BTN3A2: variants seen among roughly 807,000 people sequenced by gnomAD.
BTN3A2 encodes butyrophilin protein.
A neutral mutation model predicts 37.6 loss-of-function variants in BTN3A2; 25 were observed. The ratio of observed to expected loss-of-function variants is 0.66; its 90% CI spans 0.48 to 0.93. The LOEUF (loss-of-function observed/expected upper bound fraction) is 0.93. Among genes scored for constraint, BTN3A2 ranks in the 40% least tolerant of loss-of-function variants. The pLI, the probability that BTN3A2 is intolerant of heterozygous loss-of-function variation, is 0.00. For missense variants in BTN3A2, 266 were observed against 410.9 expected, an observed-to-expected ratio of 0.65 and a Z score of 3.05; for synonymous variants, 122 against 159.4, an observed-to-expected ratio of 0.77 and a Z score of 1.77.
intron 1 of BTN3A2, among the ~76,000 whole-genome samples, chr6:26,365,872 A>G (rs767738011): frequency 2.6e-5 from 4 of 152,220 alleles, no homozygotes; most frequent in Non-Finnish European, 5.9e-5. Flanking sequence ...TACATATTCA[A>G]CAGGTGGGGA....
chr6:26,376,543 C>A lies in BTN3A2; in HGVS notation c.*781C>A. ...CTTAAATCCAGGAAAAATGGCTGAC[C>A]CCATGGACACCTCCTCAAACTCTCT... On this transcript the variant is annotated 3_prime_UTR_variant, in exon 11 of 11. Coordinates refer to ENST00000377708, the MANE Select transcript of BTN3A2 (RefSeq NM_007047.5). 7.4e-7 allele frequency: 1 copy of A among 1,358,682 alleles called. No individual in the cohort carries two copies. Among genetic ancestry groups the A allele is most frequent in the Non-Finnish European group, 1.0e-6 (1 of 999,348 alleles). 84.2% of individuals were successfully genotyped at this position (1,358,682 alleles called of 1,614,324 possible). A position where few individuals can be genotyped will look rare whatever the true frequency, so the allele number is the denominator to read the frequency against.
At chr6:26,372,010 T>C (rs562619272) in intron 5 of BTN3A2, among the ~76,000 whole-genome samples, 2 of 152,278 alleles carry the variant, frequency 1.3e-5, no homozygotes, top group African/African-American at 4.8e-5. Context: ...CTGATTACTA[T>C]TGCACAAGGT....
In BTN3A2 at chr6:26,376,398, A is replaced by G; in HGVS notation, c.*636A>G. ...CCTTACTTTCATTTCCCCTCTGGTC[A>G]CTAGACCCCTGGGGCTTTCACCAAT... On this transcript the variant is annotated 3_prime_UTR_variant, in exon 11 of 11. Transcript: ENST00000377708. 4.5e-6 allele frequency: 2 copies of G among 447,190 alleles called. No individual in the cohort carries two copies. The highest frequency in any genetic ancestry group is 7.3e-6 in the Non-Finnish European group (2 of 273,062). 27.7% of individuals were successfully genotyped at this position (447,190 alleles called of 1,614,324 possible). A position where few individuals can be genotyped will look rare whatever the true frequency, so the allele number is the denominator to read the frequency against.
In BTN3A2 at chr6:26,373,083, A is replaced by G. The variant is rs947204049; in HGVS notation, c.902A>G (p.Glu301Gly). 8 of 1,614,026 alleles carry G rather than the reference A, an allele frequency of 5.0e-6. No individual in the cohort carries two copies. The highest frequency in any genetic ancestry group is 6.8e-6 in the Non-Finnish European group (8 of 1,180,036). The change falls in exon 6 of 11, where the codon GAA (glutamate) becomes GGA (glycine). Residue 301 changes from glutamate (E) to glycine (G), a missense_variant. Coordinates refer to ENST00000377708, the MANE Select transcript of BTN3A2 (RefSeq NM_007047.5). ...ATGGGATATGCTGCAACAGAGCGGG[A>G]AATAAGCCTAAGAGGTATCCAACGC... ...KEMGYAATER[E>G]ISLRESLQEE...
In BTN3A2 at chr6:26,370,406, C is replaced by T. The variant is rs747495149; in HGVS notation, c.518C>T (p.Pro173Leu). 6 of 1,614,164 alleles carry T rather than the reference C, an allele frequency of 3.7e-6. No homozygotes were observed. The highest frequency in any genetic ancestry group is 5.1e-6 in the Non-Finnish European group (6 of 1,180,024). ...HLECRSTGWY[P>L]QPQIQWSNAK... ...GAGTGCAGGTCCACCGGCTGGTACC[C>T]CCAACCCCAAATACAGTGGAGCAAC... The change falls in exon 5 of 11, where the codon CCC becomes CTC. Residue 173 changes from proline to leucine, a missense_variant. Coordinates refer to ENST00000377708, the MANE Select transcript of BTN3A2 (RefSeq NM_007047.5).
chr6:26,375,417 G>A (rs9393715), intron 10 of BTN3A2: 38,862 of 456,322 alleles, frequency 0.085, 1,985 homozygotes, highest in Non-Finnish European at 0.11. Flanking sequence ...AAGAGTCCTC[G>A]GGCCTTGTTA....
Position 26,377,427 on chromosome 6 carries a change from G to T in BTN3A2, c.*1665G>T. On this transcript the variant is annotated 3_prime_UTR_variant, in exon 11 of 11. Transcript: ENST00000377708. The stretch of plus-strand genomic sequence containing the variant: ...TGTATTGACTTTACAAAGCAGACAG[G>T]AATAGTGAACAACAGAGCTGGGATC... 1 of 465,946 alleles carries T rather than the reference G, an allele frequency of 2.1e-6. No homozygotes were observed. The highest frequency in any genetic ancestry group is 3.9e-6 in the Non-Finnish European group (1 of 253,380). 28.9% of individuals were successfully genotyped at this position (465,946 alleles called of 1,614,324 possible).
Position 26,376,520 on chromosome 6 carries a change from T to C in BTN3A2, c.*758T>C. 7.6e-7 allele frequency: 1 copy of C among 1,315,472 alleles called. No individual in the cohort carries two copies. The highest frequency in any genetic ancestry group is 1.5e-5 in the African/African-American group (1 of 67,446). The allele number at this position is 1,315,472 out of a possible 1,614,324, so 81.5% of individuals were successfully genotyped here. ...CCCAAGCCTTGCATGCTGTGGCTCT[T>C]AAATCCAGGAAAAATGGCTGACCCC... On this transcript the variant is annotated 3_prime_UTR_variant, in exon 11 of 11. Coordinates refer to ENST00000377708, the MANE Select transcript of BTN3A2 (RefSeq NM_007047.5).
At position 26,376,695 on chromosome 6, in the gene BTN3A2, C is replaced by T. The variant is rs538852052; in HGVS notation, c.*933C>T. Reference sequence around the variant, plus strand: ...AGACAACCCTGAGAGATTTGAATGGCGTTACTGTGTGCTTGGCTGTGAAAG... The same window carrying T: ...AGACAACCCTGAGAGATTTGAATGGTGTTACTGTGTGCTTGGCTGTGAAAG... On this transcript the variant is annotated 3_prime_UTR_variant, in exon 11 of 11. Coordinates refer to ENST00000377708, the MANE Select transcript of BTN3A2 (RefSeq NM_007047.5). 158 of 1,548,874 alleles carry T rather than the reference C, an allele frequency of 1.0e-4. No individual in the cohort carries two copies. Among genetic ancestry groups the T allele is most frequent in the Non-Finnish European group, 1.3e-4 (151 of 1,121,908 alleles).
At chr6:26,375,731 G>A in intron 10 of BTN3A2, 66 bp from the exon 11 acceptor site, 2 of 1,546,850 alleles carry the variant, frequency 1.3e-6, no homozygotes, top group Middle Eastern at 2.3e-4. Flanking sequence ...CCTGCTGTGG[G>A]CTGAGTAAAT....
rs34655395 is a variant in BTN3A2, at chr6:26,374,201, T to TAAAA, written c.965-90_965-87dup. On this transcript the variant is annotated intron_variant, in intron 8 of 10. Coordinates refer to ENST00000377708, the MANE Select transcript of BTN3A2 (RefSeq NM_007047.5). ...GAGACCATGGGGAAGGGTGGGATGG[T>TAAAA]AAAAAAAAAAAAAAAAAAAAAAAAA... The TAAAA allele has an allele frequency of 5.3e-5, 13 of 246,802 alleles. 1 individual carries two copies. The highest frequency in any genetic ancestry group is 3.2e-4 in the African/African-American group (4 of 12,626). 15.3% of individuals were successfully genotyped at this position (246,802 alleles called of 1,614,324 possible). A position where few individuals can be genotyped will look rare whatever the true frequency, so the allele number is the denominator to read the frequency against.
At position 26,373,314 on chromosome 6, in the gene BTN3A2, C is replaced by G; in HGVS notation, c.937+18C>G. ...GGAACTCAGTAAGTTACCATTCCCCCAGAGATCCAGACATGTCTTCCTATC... is the reference window on the plus strand; with the variant it reads ...GGAACTCAGTAAGTTACCATTCCCCGAGAGATCCAGACATGTCTTCCTATC... On this transcript the variant is annotated intron_variant, in intron 7 of 10. Coordinates refer to ENST00000377708, the MANE Select transcript of BTN3A2 (RefSeq NM_007047.5). The G allele has an allele frequency of 6.2e-7, 1 of 1,607,918 alleles. No homozygotes were observed. The highest frequency in any genetic ancestry group is 8.5e-7 in the Non-Finnish European group (1 of 1,178,884).
In BTN3A2 at chr6:26,374,928, C is replaced by T. The variant is rs150175710; in HGVS notation, c.*34+130C>T. The T allele has an allele frequency of 9.8e-5, 93 of 950,448 alleles. 1 individual carries two copies. The highest frequency in any genetic ancestry group is 8.8e-4 in the African/African-American group (53 of 60,158). 58.9% of individuals were successfully genotyped at this position (950,448 alleles called of 1,614,324 possible). A position where few individuals can be genotyped will look rare whatever the true frequency, so the allele number is the denominator to read the frequency against. ...TTGACTTCCTTCGTGGGTAGGAAGA[C>T]GCATAAAGGGTGGAGGTGAAGGGAA... On this transcript the variant is annotated intron_variant, in intron 10 of 10. Transcript: ENST00000377708.
At position 26,377,290 on chromosome 6, in the gene BTN3A2, C is replaced by CA; in HGVS notation, c.*1529dup. ...TCAGAACCATAAAGCTACAGGCACA[C>CA]ACTGAAGCACTTTACTGATATTCAT... On this transcript the variant is annotated 3_prime_UTR_variant, in exon 11 of 11. Transcript: ENST00000377708. The CA allele has an allele frequency of 1.3e-6, 1 of 754,654 alleles. No individual in the cohort carries two copies. The highest frequency in any genetic ancestry group is 2.3e-6 in the Non-Finnish European group (1 of 432,524). 46.7% of individuals were successfully genotyped at this position (754,654 alleles called of 1,614,324 possible). A position where few individuals can be genotyped will look rare whatever the true frequency, so the allele number is the denominator to read the frequency against.
rs376536724 is a variant in BTN3A2 at position 26,368,646 on chromosome 6, C to T, written c.167C>T (p.Pro56Leu). 1.4e-5 allele frequency: 23 copies of T among 1,613,924 alleles called. No individual in the cohort carries two copies. In the African/African-American group the frequency reaches 1.9e-4, roughly 13 times the overall value. ...GCTGATCTGCCCTGTCACCTGTTCCCGACCATGAGTGCAGAGACCATGGAG... is the reference window on the plus strand; with the variant it reads ...GCTGATCTGCCCTGTCACCTGTTCCTGACCATGAGTGCAGAGACCATGGAG... ...EDADLPCHLF[P>L]TMSAETMELK... Residue 56 changes from proline (P) to leucine (L), a missense_variant, in exon 4 of 11, where the codon CCG becomes CTG. Pro to Leu is a moderately conservative substitution (Grantham distance 98). Transcript: ENST00000377708.
rs1725799319 is a variant in BTN3A2 at position 26,370,478 on chromosome 6, AT to A, written c.591del (p.Asp197GlufsTer8). The A allele has an allele frequency of 1.2e-6, 2 of 1,614,190 alleles. No homozygotes were observed. On this transcript the variant is annotated frameshift_variant, in exon 5 of 11. Transcript: ENST00000377708. LOFTEE classifies it high-confidence loss of function. ...GCTGTGGAAGCACCTGTGGTTGCAG[AT>A]GGAGTGGGCCTATATGAAGTAGCAG... ...IPAVEAPVVADGVGLYEVAAS... is the reference protein window; with the variant it reads ...IPAVEAPVVAXGVGLYEVAAS...
Position 26,376,908 on chromosome 6 carries a change from C to T in BTN3A2, c.*1146C>T. The stretch of plus-strand genomic sequence containing the variant: ...GGCTCTCACTGAGCCCAGAACCAAC[C>T]TGAAACTTCCTGAGCCTCCTAGGAA... On this transcript the variant is annotated 3_prime_UTR_variant, in exon 11 of 11. Transcript: ENST00000377708. 6.2e-7 allele frequency: 1 copy of T among 1,613,718 alleles called. No homozygotes were observed. Among genetic ancestry groups the T allele is most frequent in the Non-Finnish European group, 8.5e-7 (1 of 1,179,766 alleles).
Position 26,374,343 on chromosome 6 carries a change from G to T in BTN3A2, c.981G>T (p.Ser327=). ...IQYLTRGEES[S]SDTNKSA The stretch of plus-strand genomic sequence containing the variant: ...TCATTGTAGGTGGAGAGGAGTCTTC[G>T]TCCGATACCAATAAGTCAGCCTGAT... The change falls in exon 9 of 11, where the codon TCG becomes TCT. Residue 327 remains serine, a synonymous_variant. Coordinates refer to ENST00000377708, the MANE Select transcript of BTN3A2 (RefSeq NM_007047.5). 6.2e-7 allele frequency: 1 copy of T among 1,611,684 alleles called. No homozygotes were observed. The highest frequency in any genetic ancestry group is 1.3e-5 in the African/African-American group (1 of 74,502).
chr6:26,371,954 C>T (rs1218600145), intron 5 of BTN3A2, among the ~76,000 whole-genome samples: 1 of 152,214 alleles, frequency 6.6e-6, no homozygotes, highest in Admixed American at 6.5e-5. Flanking sequence ...GCTGGGATTA[C>T]AGGCGTGAGC....
Sources: gnomAD v4.1 joint callset for allele counts (sites outside exome capture counted in the v4.1 genomes callset) on GRCh38, gnomAD v4.1.1 for gene constraint, MANE v1.5 for transcripts, NCBI Gene and HGNC (gene_info 2026-07-23, HGNC 2026-07-21) for gene names.